Variants in LRRC7 observed in about 807,000 individuals in gnomAD.
The protein encoded by LRRC7 is leucine rich repeat containing 7, also known as leucine-rich repeat-containing protein 7.
LRRC7 carries 23 observed loss-of-function variants against 175.7 expected under a neutral mutation model. That is an observed-to-expected ratio of 0.13 (90% CI 0.09 to 0.19). LRRC7 has a LOEUF of 0.19. Ranked by LOEUF, LRRC7 falls within the 10% of genes least tolerant of loss-of-function variation. LRRC7 has a pLI of 1.00. For missense variants in LRRC7, 1,354 were observed against 1,904.7 expected (o/e 0.71, Z 5.38); for synonymous variants, 685 against 680.9 (o/e 1.01, Z -0.09).
intron 7 of LRRC7, among the ~76,000 whole-genome samples, chr1:69,911,185 G>T (rs1018375111): frequency 2.6e-5 from 4 of 151,546 alleles, no homozygotes; most frequent in African/African-American, 7.3e-5. Flanking sequence ...TTCGGCTCGC[G>T]CACGGTGCAC....
intron 1 of LRRC7, among the ~76,000 whole-genome samples, chr1:69,589,021 T>A (rs1366659023): frequency 3.2e-5 from 3 of 93,294 alleles, no homozygotes; most frequent in Admixed American, 1.0e-4. Context: ...GTGCATGTGA[T>A]GTAATATACA....
intron 23 of LRRC7, among the ~76,000 whole-genome samples, chr1:70,058,198 C>A (rs915166188): frequency 1.1e-4 from 16 of 151,986 alleles, no homozygotes; most frequent in African/African-American, 3.9e-4. Flanking sequence ...TTAGTAGAGA[C>A]AGGATTTTGC....
rs1163296197 is a variant in LRRC7 at position 69,812,965 on chromosome 1, C to T, written c.422-12783C>T. ...CAATGGCTGAGTTTCCATTGTTTTC[C>T]TAGCATTAACTTAGGTACTGTCAGG... On this transcript the variant is annotated intron_variant, in intron 4 of 26. Transcript: ENST00000651989. 2.6e-5 allele frequency among the ~76,000 whole-genome samples: 4 copies of T among 151,990 alleles called. 1 individual carries two copies. The highest frequency in any genetic ancestry group is 4.1e-4 in the South Asian group (2 of 4,826).
intron 7 of LRRC7, chr1:69,874,137 T>C (rs1685824745): frequency 6.6e-6 from 1 of 152,176 alleles, no homozygotes. Context: ...TTTCATCTTA[T>C]GTAATTTAAT....
intron 2 of LRRC7, among the ~76,000 whole-genome samples, chr1:69,697,097 G>A (rs536930320): frequency 1.3e-5 from 2 of 152,078 alleles, no homozygotes; most frequent in African/African-American, 2.4e-5. Flanking sequence ...CTATTTCATG[G>A]CTATCTAATT....
At chr1:69,880,365 G>GGATGA (rs1686475022) in intron 7 of LRRC7, among the ~76,000 whole-genome samples, 1 of 152,146 alleles carries the variant, frequency 6.6e-6, no homozygotes, top group Non-Finnish European at 1.5e-5. Context: ...CTGAGCAAGG[G>GGATGA]GATGATCAGG....
At chr1:69,704,524 T>C (rs1307986595) in intron 2 of LRRC7, among the ~76,000 whole-genome samples, 1 of 152,030 alleles carries the variant, frequency 6.6e-6, no homozygotes, top group African/African-American at 2.4e-5. Flanking sequence ...AGACTATTTA[T>C]GGCTATTCAC....
At chr1:70,096,261 G>A (rs1571312981) in intron 25 of LRRC7, among the ~76,000 whole-genome samples, 1 of 152,364 alleles carries the variant, frequency 6.6e-6, no homozygotes, top group East Asian at 1.9e-4. Flanking sequence ...ACAGGCGTGA[G>A]CCACCGTGCT....
chr1:69,692,741 G>A (rs1351508588), intron 2 of LRRC7, among the ~76,000 whole-genome samples: 1 of 152,158 alleles, frequency 6.6e-6, no homozygotes, highest in Admixed American at 6.5e-5. Flanking sequence ...GTAATACACA[G>A]CATGTTGGAT....
chr1:69,767,787 C>A (rs1671785953), intron 3 of LRRC7, among the ~76,000 whole-genome samples: 1 of 152,062 alleles, frequency 6.6e-6, no homozygotes, highest in South Asian at 2.1e-4. Context: ...TTTAATTAGG[C>A]ACTGGTTGAA....
intron 11 of LRRC7, among the ~76,000 whole-genome samples, chr1:70,001,312 C>T (rs1326440044): frequency 6.6e-6 from 1 of 152,082 alleles, no homozygotes; most frequent in African/African-American, 2.4e-5. Context: ...CATGCACCTA[C>T]TCTCCTACTG....
rs532063540 is a variant in LRRC7, at chr1:69,865,469, C to CTTTTTTTTTTTTTTTTTT, written c.647+27194_647+27211dup. On this transcript the variant is annotated intron_variant, in intron 7 of 26. Coordinates refer to ENST00000651989, the MANE Select transcript of LRRC7 (RefSeq NM_001370785.2). Reference sequence around the variant, plus strand: ...ATAAGCAAGCTGCTGAAGACAGTTCCTTTTTTTTTTTTTTTTTTTTTTTTT... The same window carrying CTTTTTTTTTTTTTTTTTT: ...ATAAGCAAGCTGCTGAAGACAGTTCCTTTTTTTTTTTTTTTTTTTTTTTTTTTTTTTTTTTTTTTTTTT... Among the ~76,000 whole-genome samples, 321 of 51,266 alleles carry CTTTTTTTTTTTTTTTTTT rather than the reference C, an allele frequency of 6.3e-3. 85 individuals are homozygous for CTTTTTTTTTTTTTTTTTT. The highest frequency in any genetic ancestry group is 0.017 in the African/African-American group (215 of 12,322). The allele number at this position is 51,266 out of a possible 152,430, so 33.6% of individuals were successfully genotyped here.
At chr1:70,064,232 A>G (rs1162653649) in intron 23 of LRRC7, among the ~76,000 whole-genome samples, 3 of 151,964 alleles carry the variant, frequency 2.0e-5, no homozygotes, top group African/African-American at 7.2e-5. Context: ...GAAATGGGAG[A>G]ACATAGATTT....
intron 23 of LRRC7, 50 bp downstream of exon 23, chr1:70,053,195 C>T: frequency 1.4e-6 from 2 of 1,475,006 alleles, no homozygotes; most frequent in South Asian, 1.4e-5. Context: ...GCACAATCTA[C>T]TGCAATATAT....
intron 1 of LRRC7, among the ~76,000 whole-genome samples, chr1:69,659,554 GAAT>G (rs1165165063): frequency 6.6e-6 from 1 of 150,448 alleles, no homozygotes; most frequent in Non-Finnish European, 1.5e-5. Context: ...AAGGACAGTT[GAAT>G]AATAACTGAT....
intron 7 of LRRC7, among the ~76,000 whole-genome samples, chr1:69,843,231 A>G (rs1030163106): frequency 6.6e-6 from 1 of 151,912 alleles, no homozygotes; most frequent in African/African-American, 2.4e-5. Context: ...AAAACCTAGT[A>G]TAGAGCATCA....
At chr1:69,811,687 G>A (rs183700152) in intron 4 of LRRC7, among the ~76,000 whole-genome samples, 5 of 152,054 alleles carry the variant, frequency 3.3e-5, no homozygotes, top group South Asian at 2.1e-4. Flanking sequence ...ATCAAACACC[G>A]CATATTCTCA....
chr1:70,055,403 G>C (rs1661069459), intron 23 of LRRC7, among the ~76,000 whole-genome samples: 1 of 152,170 alleles, frequency 6.6e-6, no homozygotes, highest in Admixed American at 6.5e-5. Flanking sequence ...TGAGGAGAAA[G>C]ACTGGACGCA....
At chr1:69,895,307 A>C (rs1256702869) in intron 7 of LRRC7, among the ~76,000 whole-genome samples, 1 of 152,226 alleles carries the variant, frequency 6.6e-6, no homozygotes, top group East Asian at 1.9e-4. Context: ...CACACACACA[A>C]AAACCCAGAA....
Sources: gnomAD v4.1 joint callset for allele counts (sites outside exome capture counted in the v4.1 genomes callset) on GRCh38, gnomAD v4.1.1 for gene constraint, MANE v1.5 for transcripts, NCBI Gene and HGNC (gene_info 2026-07-23, HGNC 2026-07-21) for gene names.